Variants in C1orf21 observed in about 807,000 individuals in gnomAD.
C1orf21 encodes the protein chromosome 1 open reading frame 21, also known as uncharacterized protein C1orf21.
C1orf21 carries 3 observed loss-of-function variants against 18.7 expected under a neutral mutation model. The observed-to-expected ratio is 0.16, with a 90% CI of 0.07 to 0.42. The LOEUF is 0.42. Among genes scored for constraint, C1orf21 ranks in the 10% least tolerant of loss-of-function variants. The pLI is 0.99. For synonymous variants in C1orf21, 41 were observed against 46.4 expected, an observed-to-expected ratio of 0.88 and a Z score of 0.47; for missense variants, 104 against 143.6, an observed-to-expected ratio of 0.72 and a Z score of 1.41.
Position 184,621,355 on chromosome 1 carries a change from A to G in C1orf21, c.*1799A>G, listed in dbSNP as rs1659913669. 6.6e-6 allele frequency: 1 copy of G among 152,668 alleles called. No homozygotes were observed. The highest frequency in any genetic ancestry group is 2.4e-5 in the African/African-American group (1 of 41,462). The allele number at this position is 152,668 out of a possible 1,614,324, so 9.5% of individuals were successfully genotyped here. A position where few individuals can be genotyped will look rare whatever the true frequency, so the allele number is the denominator to read the frequency against. ...CTGTTACATAAATAGAGATGCAGCC[A>G]AAATTTTAGGCCTTTTATCCTGCTT... On this transcript the variant is annotated 3_prime_UTR_variant, in exon 6 of 6. Coordinates refer to ENST00000235307, the MANE Select transcript of C1orf21 (RefSeq NM_030806.4).
At chr1:184,410,654 T>TATA (rs1656331786) in intron 1 of C1orf21, among the ~76,000 whole-genome samples, 1 of 7,540 alleles carries the variant, frequency 1.3e-4, no homozygotes, top group African/African-American at 2.0e-3. Context: ...TATATATATA[T>TATA]ATATATATAT....
chr1:184,410,650 TATATA>T (rs1656330343), intron 1 of C1orf21, among the ~76,000 whole-genome samples: 1 of 6,674 alleles, frequency 1.5e-4, no homozygotes, highest in Non-Finnish European at 2.1e-4. Context: ...TATATATATA[TATATA>T]TATATATATT....
intron 3 of C1orf21, among the ~76,000 whole-genome samples, chr1:184,557,780 G>A (rs938134956): frequency 3.6e-4 from 54 of 152,074 alleles, no homozygotes; most frequent in Non-Finnish European, 1.0e-4. Flanking sequence ...GATGACCTTT[G>A]GTTATATATT....
intron 1 of C1orf21, among the ~76,000 whole-genome samples, chr1:184,452,840 A>G (rs10489721): frequency 0.15 from 22,401 of 151,928 alleles, 1,710 homozygotes; most frequent in Middle Eastern, 0.2. Flanking sequence ...TTTTAATATG[A>G]CCGGCTCTGT....
At chr1:184,532,752 A>C (rs1301867349) in intron 3 of C1orf21, among the ~76,000 whole-genome samples, 1 of 152,194 alleles carries the variant, frequency 6.6e-6, no homozygotes, top group Non-Finnish European at 1.5e-5. Context: ...GTTTCTTAAA[A>C]AAAAGATTTG....
intron 3 of C1orf21, among the ~76,000 whole-genome samples, chr1:184,521,433 T>C (rs1037323817): frequency 2.6e-5 from 4 of 152,132 alleles, no homozygotes; most frequent in Admixed American, 1.3e-4. Context: ...GACAATGGAA[T>C]ATTACTTAGT....
At chr1:184,424,935 C>G (rs574535902) in intron 1 of C1orf21, among the ~76,000 whole-genome samples, 1 of 152,198 alleles carries the variant, frequency 6.6e-6, no homozygotes, top group African/African-American at 2.4e-5. Flanking sequence ...GAACACCTAG[C>G]CCTGTATACC....
chr1:184,574,627 T>A (rs1332009598), intron 3 of C1orf21, among the ~76,000 whole-genome samples: 1 of 152,206 alleles, frequency 6.6e-6, no homozygotes, highest in Non-Finnish European at 1.5e-5. Context: ...AGATTTTCAC[T>A]TAAGTGGAGA....
intron 1 of C1orf21, among the ~76,000 whole-genome samples, chr1:184,473,864 G>T (rs1203951911): frequency 6.6e-6 from 1 of 152,064 alleles, no homozygotes; most frequent in African/African-American, 2.4e-5. Flanking sequence ...GATCATTCTT[G>T]TTCTATAGGG....
At chr1:184,481,046 G>A (rs1369799099) in intron 2 of C1orf21, among the ~76,000 whole-genome samples, 1 of 152,176 alleles carries the variant, frequency 6.6e-6, no homozygotes, top group African/African-American at 2.4e-5. Flanking sequence ...CACGTAGTTA[G>A]ATAAGCTTCC....
intron 5 of C1orf21, among the ~76,000 whole-genome samples, chr1:184,612,845 A>C (rs1028463116): frequency 2.6e-5 from 4 of 152,244 alleles, no homozygotes; most frequent in African/African-American, 9.6e-5. Context: ...TGAGAGAGAG[A>C]GAACACATTC....
intron 3 of C1orf21, among the ~76,000 whole-genome samples, chr1:184,580,887 C>T (rs1049692273): frequency 1.3e-5 from 2 of 152,068 alleles, no homozygotes; most frequent in African/African-American, 4.8e-5. Context: ...TTTCATAATA[C>T]ACGTTTTCCA....
intron 3 of C1orf21, among the ~76,000 whole-genome samples, chr1:184,553,071 G>A (rs1658834066): frequency 1.3e-5 from 2 of 152,238 alleles, no homozygotes; most frequent in South Asian, 4.1e-4. Context: ...AATGTCTGCT[G>A]TGCATGTCTA....
chr1:184,610,100 A>G (rs1353409072), intron 5 of C1orf21, among the ~76,000 whole-genome samples: 1 of 152,252 alleles, frequency 6.6e-6, no homozygotes, highest in Non-Finnish European at 1.5e-5. Flanking sequence ...AGGGCAGGCA[A>G]ACTATGGCCC....
chr1:184,559,866 C>T (rs1345807398), intron 3 of C1orf21, among the ~76,000 whole-genome samples: 4 of 152,120 alleles, frequency 2.6e-5, no homozygotes, highest in Middle Eastern at 3.2e-3. Context: ...TATCCACCAC[C>T]TCAGCCTCCC....
At chr1:184,419,072 G>C (rs1656504667) in intron 1 of C1orf21, among the ~76,000 whole-genome samples, 1 of 152,032 alleles carries the variant, frequency 6.6e-6, no homozygotes, top group Non-Finnish European at 1.5e-5. Flanking sequence ...CTGTTGAAGA[G>C]GTGAATTAGT....
chr1:184,401,980 A>G (rs554155118), intron 1 of C1orf21, among the ~76,000 whole-genome samples: 97 of 152,304 alleles, frequency 6.4e-4, no homozygotes, highest in Non-Finnish European at 1.1e-3. Context: ...CTAAATTTTC[A>G]TCATAAATGC....
In C1orf21 at chr1:184,624,061, A is replaced by C. The variant is rs1338082720; in HGVS notation, c.*4505A>C. The C allele has an allele frequency of 5.9e-5, 9 of 152,666 alleles. No individual in the cohort carries two copies. Among genetic ancestry groups the C allele is most frequent in the Admixed American group, 5.2e-4 (8 of 15,288 alleles). 9.5% of individuals were successfully genotyped at this position (152,666 alleles called of 1,614,324 possible). ...ATCTATTACCCCCGTGTTCTAAATA[A>C]TAGATCTTAAGTGTGGAATGCATCT... On this transcript the variant is annotated 3_prime_UTR_variant, in exon 6 of 6. Coordinates refer to ENST00000235307, the MANE Select transcript of C1orf21 (RefSeq NM_030806.4).
chr1:184,499,532 G>T (rs56072206), intron 2 of C1orf21, among the ~76,000 whole-genome samples: 4 of 152,126 alleles, frequency 2.6e-5, no homozygotes, highest in Non-Finnish European at 5.9e-5. Flanking sequence ...ATCCATGAAG[G>T]CTAGATGTAC....
Sources: allele counts gnomAD v4.1 joint callset (sites outside exome capture counted in the v4.1 genomes callset), GRCh38; gene constraint gnomAD v4.1.1; transcripts MANE v1.5; gene names NCBI Gene and HGNC (gene_info 2026-07-23, HGNC 2026-07-21).